The following WIPF1 variants were observed in gnomAD, a reference collection of about 807,000 sequenced individuals.
The protein encoded by WIPF1 is WAS/WASL interacting protein family member 1, also known as WAS/WASL-interacting protein family member 1.
A neutral mutation model predicts 35.4 loss-of-function variants in WIPF1; 13 were observed. The observed-to-expected ratio is 0.37, with a 90% CI of 0.24 to 0.58. WIPF1 has a LOEUF of 0.58. Ranked by LOEUF, WIPF1 falls within the 20% of genes least tolerant of loss-of-function variation. The probability of loss-of-function intolerance (pLI) is 0.74; values close to 1 mark genes in which losing one functional copy is unlikely to be tolerated. For synonymous variants in WIPF1, 267 were observed against 266.3 expected (o/e 1.00, Z -0.02); for missense variants, 591 against 667.0 (o/e 0.89, Z 1.25).
At chr2:174,649,939 G>C (rs183521459) in intron 1 of WIPF1, among the ~76,000 whole-genome samples, 3 of 152,282 alleles carry the variant, frequency 2.0e-5, no homozygotes, top group Non-Finnish European at 4.4e-5. Context: ...GACAATAACA[G>C]ACTAGAACCT....
intron 3 of WIPF1, among the ~76,000 whole-genome samples, chr2:174,579,604 A>T (rs1047856436): frequency 8.5e-5 from 13 of 152,260 alleles, no homozygotes; most frequent in Admixed American, 2.0e-4. Flanking sequence ...CAAGGAAAGC[A>T]CATTATTAAA....
At chr2:174,562,733 T>A in intron 7 of WIPF1, 131 bp from the exon 8 acceptor site, 1 of 1,191,842 alleles carries the variant, frequency 8.4e-7, no homozygotes, top group Non-Finnish European at 1.2e-6. Context: ...AACTGGCGTA[T>A]GTTGTGGATG....
intron 1 of WIPF1, among the ~76,000 whole-genome samples, chr2:174,661,658 G>A (rs947629571): frequency 2.0e-5 from 3 of 152,106 alleles, no homozygotes; most frequent in African/African-American, 7.2e-5. Context: ...ATAAGCATCT[G>A]TTTGTTTCCT....
chr2:174,585,986 G>A (rs758188263), intron 1 of WIPF1, among the ~76,000 whole-genome samples: 3 of 152,126 alleles, frequency 2.0e-5, no homozygotes, highest in Non-Finnish European at 2.9e-5. Context: ...TCTCCTCTTC[G>A]CTAATTTCCA....
At chr2:174,575,705 A>C (rs1220710552) in intron 3 of WIPF1, among the ~76,000 whole-genome samples, 1 of 152,140 alleles carries the variant, frequency 6.6e-6, no homozygotes, top group Non-Finnish European at 1.5e-5. Context: ...GGCTGGGTGC[A>C]GTGGCTCACA....
At chr2:174,674,903 TACACACACACACACACAC>T (rs35062209) in intron 1 of WIPF1, among the ~76,000 whole-genome samples, 17 of 134,022 alleles carry the variant, frequency 1.3e-4, no homozygotes, top group East Asian at 9.0e-4. Flanking sequence ...CAGGTTCAAA[TACACACACACACACACAC>T]ACACACACAC....
intron 1 of WIPF1, among the ~76,000 whole-genome samples, chr2:174,586,683 C>T (rs969896102): frequency 5.9e-5 from 9 of 152,168 alleles, no homozygotes; most frequent in Admixed American, 1.3e-4. Flanking sequence ...TCTAGGACAA[C>T]GCCTCACCCA....
At chr2:174,653,251 TG>T (rs1295145671) in intron 1 of WIPF1, among the ~76,000 whole-genome samples, 1 of 152,170 alleles carries the variant, frequency 6.6e-6, no homozygotes, top group Non-Finnish European at 1.5e-5. Context: ...TATGGTGCTC[TG>T]GATGAACGTG....
At chr2:174,670,443 C>T (rs1462954059) in intron 1 of WIPF1, among the ~76,000 whole-genome samples, 3 of 152,324 alleles carry the variant, frequency 2.0e-5, no homozygotes, top group Non-Finnish European at 2.9e-5. Context: ...CAAAGGGTAA[C>T]TGAGTTGTCG....
At chr2:174,677,556 T>A (rs1487984357) in intron 1 of WIPF1, among the ~76,000 whole-genome samples, 1 of 152,212 alleles carries the variant, frequency 6.6e-6, no homozygotes, top group Non-Finnish European at 1.5e-5. Context: ...AGAGAACATT[T>A]TGGCTCTTGT....
rs1318823753 is a variant in WIPF1, at chr2:174,560,632, G to C, written c.*1915C>G. 1.3e-5 allele frequency: 2 copies of C among 152,490 alleles called. No homozygotes were observed. The highest frequency in any genetic ancestry group is 4.8e-5 in the African/African-American group (2 of 41,414). The allele number at this position is 152,490 out of a possible 1,614,324, so 9.4% of individuals were successfully genotyped here. On this transcript the variant is annotated 3_prime_UTR_variant, in exon 8 of 8. Coordinates refer to ENST00000679041, the MANE Select transcript of WIPF1 (RefSeq NM_001375834.1). ...AGCTTGTTATACCTTATTATTTCTT[G>C]ATTCTCTTTGAGTAAAAAGCCCAAA...
chr2:174,672,055 T>C (rs1688029585), intron 1 of WIPF1, among the ~76,000 whole-genome samples: 2 of 152,192 alleles, frequency 1.3e-5, no homozygotes, highest in Admixed American at 6.5e-5. Context: ...CCTGCCAATA[T>C]ATGATGTCTC....
chr2:174,582,240 C>T (rs999910553), intron 2 of WIPF1, among the ~76,000 whole-genome samples: 1 of 152,120 alleles, frequency 6.6e-6, no homozygotes, highest in Non-Finnish European at 1.5e-5. Context: ...CTTATATTTC[C>T]AGAATTCCTA....
chr2:174,591,519 A>C (rs1373840565), intron 1 of WIPF1, among the ~76,000 whole-genome samples: 2 of 152,376 alleles, frequency 1.3e-5, no homozygotes, highest in East Asian at 3.8e-4. Context: ...ATCATTCAAA[A>C]ATAATGAAAT....
chr2:174,601,015 C>T (rs1377954848), upstream of WIPF1, among the ~76,000 whole-genome samples: 1 of 134,580 alleles, frequency 7.4e-6, no homozygotes, highest in African/African-American at 2.7e-5. Context: ...ATCTTCACTT[C>T]CCAGGTTCAA....
chr2:174,588,885 T>C (rs1367719567), intron 1 of WIPF1, among the ~76,000 whole-genome samples: 1 of 152,250 alleles, frequency 6.6e-6, no homozygotes, highest in Non-Finnish European at 1.5e-5. Flanking sequence ...TCTCTTCCTC[T>C]GCGAACTTGT....
chr2:174,569,750 G>T (rs1031201850), intron 5 of WIPF1, among the ~76,000 whole-genome samples: 4 of 152,180 alleles, frequency 2.6e-5, no homozygotes, highest in African/African-American at 9.7e-5. Flanking sequence ...TACAGGGATA[G>T]GAGACAAGGC....
At chr2:174,602,802 C>T (rs1179771581), upstream of WIPF1, among the ~76,000 whole-genome samples, 2 of 152,164 alleles carry the variant, frequency 1.3e-5, no homozygotes, top group African/African-American at 4.8e-5. Flanking sequence ...GAAAAGTCTG[C>T]AGTGTATTCT....
At chr2:174,564,808 T>C (rs1684594233) in intron 7 of WIPF1, among the ~76,000 whole-genome samples, 1 of 127,962 alleles carries the variant, frequency 7.8e-6, no homozygotes, top group South Asian at 2.9e-4. Context: ...GAAGCCCTTC[T>C]TCTGGTGCAC....
Sources: allele counts gnomAD v4.1 joint callset (sites outside exome capture counted in the v4.1 genomes callset), GRCh38; gene constraint gnomAD v4.1.1; transcripts MANE v1.5; gene names NCBI Gene and HGNC (gene_info 2026-07-23, HGNC 2026-07-21).